TG: variants seen among roughly 807,000 people sequenced by gnomAD.
TG encodes the protein thyroid hormones.
TG carries 270 observed loss-of-function variants against 324.7 expected under a neutral mutation model. The observed-to-expected ratio is 0.83, with a 90% CI of 0.75 to 0.92. The LOEUF is 0.92. Among genes scored for constraint, TG ranks in the 40% least tolerant of loss-of-function variants. TG has a pLI of 0.00. For synonymous variants in TG, 1,401 were observed against 1,327.0 expected (o/e 1.06, Z -1.21); for missense variants, 3,591 against 3,456.4 (o/e 1.04, Z -0.98).
intron 45 of TG, among the ~76,000 whole-genome samples, chr8:133,117,511 C>T (rs867430894): frequency 2.0e-5 from 3 of 152,318 alleles, no homozygotes; most frequent in Non-Finnish European, 4.4e-5. Context: ...CTGAGCCATT[C>T]ATCCATGTGG....
At chr8:133,078,793 T>C (rs1845292357) in intron 41 of TG, among the ~76,000 whole-genome samples, 1 of 152,238 alleles carries the variant, frequency 6.6e-6, no homozygotes, top group Non-Finnish European at 1.5e-5. Context: ...AAATTTCGTG[T>C]ATGTATAACC....
At chr8:132,894,923 TTGCCCGAATTCACACA>T (rs1482045020) in intron 11 of TG, among the ~76,000 whole-genome samples, 3 of 152,212 alleles carry the variant, frequency 2.0e-5, no homozygotes, top group African/African-American at 7.2e-5. Flanking sequence ...GTTAAGTCAC[TTGCCCGAATTCACACA>T]AGTGATAACC....
At chr8:133,038,736 G>C in intron 41 of TG, 4 of 1,612,030 alleles carry the variant, frequency 2.5e-6, no homozygotes, top group Non-Finnish European at 3.4e-6. Context: ...TCCTCCTGCA[G>C]TCTGTGGGCC....
At chr8:133,133,238 T>A in intron 46 of TG, 1 of 604,704 alleles carries the variant, frequency 1.7e-6, no homozygotes, top group East Asian at 2.9e-5. Flanking sequence ...TACCAGGTCA[T>A]GACCTTAACA....
At position 132,882,967 on chromosome 8, in the gene TG, G is replaced by C. The variant is rs1237798930; in HGVS notation, c.1043G>C (p.Gly348Ala). The change falls in exon 8 of 48, where the codon GGA (glycine) becomes GCA (alanine). Residue 348 changes from glycine (G) to alanine (A), a missense_variant. Transcript: ENST00000220616. Reference protein sequence around the residue: ...CVDAQGKEMHGTRQQGEPPSC... With the variant: ...CVDAQGKEMHATRQQGEPPSC... ...GACGCCCAGGGGAAGGAAATGCATG[G>C]AACCCGGCAGCAAGGGGAGCCGCCA... 3.1e-6 allele frequency: 5 copies of C among 1,614,094 alleles called. No individual in the cohort carries two copies. Among genetic ancestry groups the C allele is most frequent in the Non-Finnish European group, 4.2e-6 (5 of 1,179,982 alleles).
In TG at chr8:133,131,826, C is replaced by T. The variant is rs1321536850; in HGVS notation, c.7877C>T (p.Ala2626Val). 1.9e-5 allele frequency: 31 copies of T among 1,614,058 alleles called. No individual in the cohort carries two copies. The highest frequency in any genetic ancestry group is 2.7e-5 in the African/African-American group (2 of 74,916). Residue 2626 changes from alanine to valine, a missense_variant, in exon 46 of 48, where the codon GCG (alanine) becomes GTG (valine). Physicochemically the swap from Ala to Val is moderately conservative, Grantham distance 64. Coordinates refer to ENST00000220616, the MANE Select transcript of TG (RefSeq NM_003235.5). Reference protein sequence around the residue: ...NYGHGSLELLADVQFALGLPF... With the variant: ...NYGHGSLELLVDVQFALGLPF... ...TGTTTTCTCAGCCTGGAGCTGCTGG[C>T]GGATGTTCAGTTTGCCTTGGGGCTT...
intron 35 of TG, among the ~76,000 whole-genome samples, chr8:132,986,912 A>T (rs1298588447): frequency 6.6e-6 from 1 of 152,228 alleles, no homozygotes; most frequent in Non-Finnish European, 1.5e-5. Context: ...AAAATTATTT[A>T]TTAAATTTAT....
intron 41 of TG, among the ~76,000 whole-genome samples, chr8:133,092,597 A>G (rs1281615253): frequency 1.3e-5 from 2 of 152,174 alleles, no homozygotes; most frequent in African/African-American, 4.8e-5. Context: ...GCATCTTTGC[A>G]GCAACCCTAT....
At chr8:132,992,249 T>G (rs1232038885) in intron 35 of TG, among the ~76,000 whole-genome samples, 1 of 152,142 alleles carries the variant, frequency 6.6e-6, no homozygotes, top group Non-Finnish European at 1.5e-5. Context: ...TTTGTGTGTG[T>G]GTGCATAAGC....
chr8:133,068,778 A>G (rs534130748), intron 41 of TG, among the ~76,000 whole-genome samples: 16 of 152,266 alleles, frequency 1.1e-4, no homozygotes, highest in Non-Finnish European at 1.8e-4. Flanking sequence ...GTTCATGGAA[A>G]TAAAAAGAGC....
chr8:132,987,276 T>G (rs963987525), intron 35 of TG, among the ~76,000 whole-genome samples: 7 of 152,208 alleles, frequency 4.6e-5, no homozygotes, highest in African/African-American at 1.4e-4. Flanking sequence ...CATGTTCCTT[T>G]GATGTGAATC....
chr8:132,994,696 C>T, intron 35 of TG: 1 of 1,288,322 alleles, frequency 7.8e-7, no homozygotes, highest in Non-Finnish European at 1.0e-6. Flanking sequence ...ATTACAGAAG[C>T]ATCTACCTCT....
chr8:133,038,000 A>C (rs113746683), intron 41 of TG: 2 of 155,454 alleles, frequency 1.3e-5, no homozygotes, highest in African/African-American at 4.8e-5. Context: ...AGTTCCTTTA[A>C]AAAGAGAGGA....
intron 41 of TG, chr8:133,060,103 C>T (rs754234188): frequency 1.9e-6 from 3 of 1,595,408 alleles, no homozygotes; most frequent in African/African-American, 1.4e-5. Context: ...GACTTACCCT[C>T]CGGGTTGGGC....
intron 45 of TG, among the ~76,000 whole-genome samples, chr8:133,129,237 C>A (rs1851770720): frequency 6.6e-6 from 1 of 152,318 alleles, no homozygotes; most frequent in Non-Finnish European, 1.5e-5. Flanking sequence ...ACACAACAGG[C>A]TCTCAAATTA....
At chr8:132,870,774 T>C (rs1839413117) in intron 3 of TG, among the ~76,000 whole-genome samples, 1 of 151,968 alleles carries the variant, frequency 6.6e-6, no homozygotes, top group African/African-American at 2.4e-5. Flanking sequence ...GAGAGAAAGC[T>C]AGAGAGATAG....
chr8:132,873,521 C>T (rs145694390), intron 5 of TG, among the ~76,000 whole-genome samples: 3 of 152,130 alleles, frequency 2.0e-5, no homozygotes, highest in African/African-American at 4.8e-5. Context: ...AGCAGGAAAC[C>T]GGGAGCAAAG....
intron 41 of TG, among the ~76,000 whole-genome samples, chr8:133,041,361 C>T (rs559732353): frequency 5.9e-5 from 9 of 152,204 alleles, no homozygotes; most frequent in Admixed American, 1.3e-4. Context: ...TGTCACAGGG[C>T]GGGCAAGCCA....
intron 41 of TG, among the ~76,000 whole-genome samples, chr8:133,094,145 G>A (rs983667104): frequency 3.3e-5 from 5 of 152,110 alleles, no homozygotes; most frequent in African/African-American, 7.2e-5. Flanking sequence ...CCTCCCAGGC[G>A]GATGACCCAA....
Sources: allele counts gnomAD v4.1 joint callset (sites outside exome capture counted in the v4.1 genomes callset), GRCh38; gene constraint gnomAD v4.1.1; transcripts MANE v1.5; gene names NCBI Gene and HGNC (gene_info 2026-07-23, HGNC 2026-07-21).